The following PIGZ variants were observed in gnomAD, a reference collection of about 807,000 sequenced individuals.
PIGZ encodes the protein phosphatidylinositol glycan anchor biosynthesis class Z (Gwada blood group).
A neutral mutation model predicts 16.4 loss-of-function variants in PIGZ; 16 were observed. That is an observed-to-expected ratio of 0.97 (90% CI 0.66 to 1.48). The LOEUF is 1.48. Among genes scored for constraint, PIGZ ranks in the 40% most tolerant of loss-of-function variants. The probability of loss-of-function intolerance (pLI) is 0.00; values close to 1 mark genes in which losing one functional copy is unlikely to be tolerated. For synonymous variants in PIGZ, 409 were observed against 338.4 expected (o/e 1.21, Z -2.29); for missense variants, 770 against 739.2 (o/e 1.04, Z -0.48).
chr3:196,955,474 A>C (rs2108908061), intron 1 of PIGZ, among the ~76,000 whole-genome samples: 1 of 151,952 alleles, frequency 6.6e-6, no homozygotes, highest in African/African-American at 2.4e-5. Context: ...TTTGTCCTAA[A>C]ATATATTTTT....
rs772375252 is a variant in PIGZ at position 196,948,617 on chromosome 3, G to T, written c.280C>A (p.Leu94Ile). The T allele has an allele frequency of 6.6e-7, 1 of 1,524,074 alleles. No individual in the cohort carries two copies. The highest frequency in any genetic ancestry group is 8.8e-7 in the Non-Finnish European group (1 of 1,139,254). The allele number at this position is 1,524,074 out of a possible 1,614,324, so 94.4% of individuals were successfully genotyped here. ...GAACCAGAGATCAGCAGGGGGAAGA[G>T]CACCGAGCGGCAGGAGCTGCTGGGG... ...FYPSSSCRSV[L>I]FPLLISGSTF... Residue 94 changes from leucine to isoleucine, a missense_variant, in exon 3 of 3, where the codon CTC (leucine) becomes ATC (isoleucine). Leu to Ile is a conservative substitution (Grantham distance 5, BLOSUM62 2). Coordinates refer to ENST00000412723, the MANE Select transcript of PIGZ (RefSeq NM_025163.4).
intron 2 of PIGZ, 91 bp from the exon 3 acceptor site, chr3:196,948,776 G>C (rs1400687490): frequency 1.0e-6 from 1 of 958,588 alleles, no homozygotes. Context: ...CCACCCCTTG[G>C]TGTGTGTGCC....
intron 2 of PIGZ, among the ~76,000 whole-genome samples, chr3:196,949,033 CCCTT>C (rs1236321351): frequency 2.6e-5 from 1 of 37,898 alleles, no homozygotes; most frequent in African/African-American, 1.7e-4. Context: ...TCCCTTCCTT[CCCTT>C]CCTTCCTTCC....
In PIGZ at chr3:196,957,828, A is replaced by G. The variant is rs115029408; in HGVS notation, c.1-5797T>C. On this transcript the variant is annotated intron_variant, in intron 1 of 2. Transcript: ENST00000412723. ...CCCGAGAAGCTACCAAGTCCTGAAA[A>G]CCTAATTTGCATAACCCAACTTTGA... Among the ~76,000 whole-genome samples the G allele has an allele frequency of 7.1e-3, 1,087 of 152,190 alleles. 14 individuals are homozygous for G. Among genetic ancestry groups the G allele is most frequent in the African/African-American group, 0.025 (1,033 of 41,534 alleles).
chr3:196,948,889 C>CTTT (rs1553836746), intron 2 of PIGZ, among the ~76,000 whole-genome samples: 2,444 of 12,334 alleles, frequency 0.2, 570 homozygotes, highest in East Asian at 0.42. Flanking sequence ...CCCTTCCTTC[C>CTTT]CCTTCCTTCC....
intron 1 of PIGZ, among the ~76,000 whole-genome samples, chr3:196,962,504 G>T (rs1045692718): frequency 2.0e-5 from 3 of 152,124 alleles, no homozygotes; most frequent in Non-Finnish European, 2.9e-5. Context: ...AAAGAGGAAG[G>T]CCTCTTTGCA....
chr3:196,952,618 A>G (rs1228938282), intron 1 of PIGZ, among the ~76,000 whole-genome samples: 1 of 152,088 alleles, frequency 6.6e-6, no homozygotes. Context: ...TTGTATTTTT[A>G]GTAGAGACGG....
rs546475303 is a variant in PIGZ, at chr3:196,948,729, G to A, written c.212-44C>T. ...GTGAGCCAGTACCAAGCTCAGGGAT[G>A]TAGTGGGCAAAATTCTAGGAGGGCA... is the stretch of plus-strand genomic sequence containing the variant. On this transcript the variant is annotated intron_variant, in intron 2 of 2. Transcript: ENST00000412723. The A allele has an allele frequency of 7.9e-6, 11 of 1,397,376 alleles. No homozygotes were observed. The East Asian group carries it at 2.3e-4, about 29-fold the overall frequency. 86.6% of individuals were successfully genotyped at this position (1,397,376 alleles called of 1,614,324 possible).
At position 196,948,513 on chromosome 3, in the gene PIGZ, C is replaced by T. The variant is rs1184515074; in HGVS notation, c.384G>A (p.Gly128=). The change falls in exon 3 of 3, where the codon GGG becomes GGA. Residue 128 remains glycine (G), a synonymous_variant. Transcript: ENST00000412723. ...GLVSGYALLV[G]PRLLLTALSF... ...AAAGGGCAGTGAGGAGGAGTCGAGGCCCCACCAGCAGCGCATAGCCGCTCA... is the reference window on the plus strand; with the variant it reads ...AAAGGGCAGTGAGGAGGAGTCGAGGTCCCACCAGCAGCGCATAGCCGCTCA... 1 of 1,612,234 alleles carries T rather than the reference C, an allele frequency of 6.2e-7. No individual in the cohort carries two copies.
chr3:196,948,659 G>T lies in PIGZ; in HGVS notation c.238C>A (p.Arg80=), dbSNP rs1418919697. ...AEDILGVQAA[R]PWEFYPSSSC... is the part of the protein sequence containing the mutation. ...CTGCTGGGGTAAAACTCCCAGGGCC[G>T]CGCGGCCTGAACGCCCAGGATGTCC... Residue 80 remains arginine (R), a synonymous_variant, in exon 3 of 3, where the codon CGG becomes AGG. Transcript: ENST00000412723. 2 of 1,461,824 alleles carry T rather than the reference G, an allele frequency of 1.4e-6. No homozygotes were observed. The highest frequency in any genetic ancestry group is 1.8e-6 in the Non-Finnish European group (2 of 1,109,356). The allele number at this position is 1,461,824 out of a possible 1,614,324, so 90.6% of individuals were successfully genotyped here. A position where few individuals can be genotyped will look rare whatever the true frequency, so the allele number is the denominator to read the frequency against.
chr3:196,951,789 A>C (rs372454996), intron 2 of PIGZ, 32 bp downstream of exon 2: 2 of 1,609,044 alleles, frequency 1.2e-6, no homozygotes, highest in Non-Finnish European at 1.7e-6. Context: ...ACTCTGCTGC[A>C]GCTTGTCTCA....
In PIGZ at chr3:196,948,978, CTCCCT is replaced by C. The variant is rs1307617988; in HGVS notation, c.212-298_212-294del. On this transcript the variant is annotated intron_variant, in intron 2 of 2. Coordinates refer to ENST00000412723, the MANE Select transcript of PIGZ (RefSeq NM_025163.4). ...CCTCCCTTCCTTCCCTTCCCCTCCCCTCCCTTCCCTTCCTTCCCTTTACTTCTCTT... is the reference window on the plus strand; with the variant it reads ...CCTCCCTTCCTTCCCTTCCCCTCCCCTCCCTTCCTTCCCTTTACTTCTCTT... Among the ~76,000 whole-genome samples, 11 of 41,684 alleles carry C rather than the reference CTCCCT, an allele frequency of 2.6e-4. 1 individual carries two copies. The highest frequency in any genetic ancestry group is 6.2e-4 in the African/African-American group (3 of 4,814). 27.3% of individuals were successfully genotyped at this position (41,684 alleles called of 152,430 possible). A position where few individuals can be genotyped will look rare whatever the true frequency, so the allele number is the denominator to read the frequency against.
Position 196,948,518 on chromosome 3 carries a change from C to T in PIGZ, c.379G>A (p.Val127Met). The change falls in exon 3 of 3, where the codon GTG (valine) becomes ATG (methionine). Residue 127 changes from valine to methionine, a missense_variant. By Grantham distance (21) the Val-to-Met change is conservative. Coordinates refer to ENST00000412723, the MANE Select transcript of PIGZ (RefSeq NM_025163.4). ...PGLVSGYALL[V>M]GPRLLLTALS... ...GCAGTGAGGAGGAGTCGAGGCCCCA[C>T]CAGCAGCGCATAGCCGCTCACCAGG... The T allele has an allele frequency of 6.2e-7, 1 of 1,612,076 alleles. No individual in the cohort carries two copies. Among genetic ancestry groups the T allele is most frequent in the Non-Finnish European group, 8.5e-7 (1 of 1,179,128 alleles).
chr3:196,957,957 C>T (rs1251729335), intron 1 of PIGZ, among the ~76,000 whole-genome samples: 10 of 152,200 alleles, frequency 6.6e-5, no homozygotes, highest in Non-Finnish European at 1.3e-4. Context: ...TGTCAAATGG[C>T]ATGCAATATA....
chr3:196,951,923 G>C lies in PIGZ; in HGVS notation c.109C>G (p.Leu37Val). 14 of 1,614,134 alleles carry C rather than the reference G, an allele frequency of 8.7e-6. No individual in the cohort carries two copies. Among genetic ancestry groups the C allele is most frequent in the Non-Finnish European group, 1.2e-5 (14 of 1,180,040 alleles). ...QLDLKMAVRV[L>V]WGGLSLLRVL... is the part of the protein sequence containing the mutation. ...CGGAGCAGGCTGAGACCACCCCAAA[G>C]CACCCTGACTGCCATCTTCAGATCC... is the stretch of plus-strand genomic sequence containing the variant. Residue 37 changes from leucine (L) to valine (V), a missense_variant, in exon 2 of 3, where the codon CTT (leucine) becomes GTT (valine). By Grantham distance (32) the Leu-to-Val change is conservative. Coordinates refer to ENST00000412723, the MANE Select transcript of PIGZ (RefSeq NM_025163.4).
chr3:196,961,519 G>A (rs1437346882), intron 1 of PIGZ, among the ~76,000 whole-genome samples: 1 of 152,160 alleles, frequency 6.6e-6, no homozygotes, highest in Non-Finnish European at 1.5e-5. Flanking sequence ...AGAGGCAGGA[G>A]GATTGCTTGA....
In PIGZ at chr3:196,954,541, C is replaced by T. The variant is rs375928091; in HGVS notation, c.1-2510G>A. ...TGCCCTTGTTTTTAATTTCTTTGCT[C>T]ATCTTTATTTTTTCTTTCCTTTTAC... On this transcript the variant is annotated intron_variant, in intron 1 of 2. Coordinates refer to ENST00000412723, the MANE Select transcript of PIGZ (RefSeq NM_025163.4). 3.9e-5 allele frequency among the ~76,000 whole-genome samples: 6 copies of T among 152,098 alleles called. No homozygotes were observed. In the South Asian group the frequency reaches 1.2e-3, roughly 32 times the overall value.
At chr3:196,964,176 AAGT>A (rs1231380595) in intron 1 of PIGZ, among the ~76,000 whole-genome samples, 2 of 151,942 alleles carry the variant, frequency 1.3e-5, no homozygotes, top group African/African-American at 4.8e-5. Flanking sequence ...TCAGCCTCCC[AAGT>A]AGCTGGGACT....
chr3:196,968,068 A>G (rs1577904330), intron 1 of PIGZ, among the ~76,000 whole-genome samples: 1 of 152,148 alleles, frequency 6.6e-6, no homozygotes, highest in South Asian at 2.1e-4. Flanking sequence ...CCACGCAAAG[A>G]CCCCATGACC....
Sources: gnomAD v4.1 joint callset for allele counts (sites outside exome capture counted in the v4.1 genomes callset) on GRCh38, gnomAD v4.1.1 for gene constraint, MANE v1.5 for transcripts, NCBI Gene and HGNC (gene_info 2026-07-23, HGNC 2026-07-21) for gene names.